DDX10: variants seen among roughly 807,000 people sequenced by gnomAD.
DDX10 encodes probable ATP-dependent RNA helicase DDX10.
A neutral mutation model predicts 104.3 loss-of-function variants in DDX10; 74 were observed. That is an observed-to-expected ratio of 0.71 (90% confidence interval 0.59 to 0.86). DDX10 has a LOEUF of 0.86. Among genes scored for constraint, DDX10 ranks in the 40% least tolerant of loss-of-function variants. The pLI, the probability that DDX10 is intolerant of heterozygous loss-of-function variation, is 0.00. For synonymous variants in DDX10, 351 were observed against 353.4 expected (o/e 0.99, Z 0.08); for missense variants, 952 against 1,040.0 (o/e 0.92, Z 1.16).
intron 1 of DDX10, among the ~76,000 whole-genome samples, chr11:108,666,807 A>G (rs2094210763): frequency 6.6e-6 from 1 of 152,178 alleles, no homozygotes; most frequent in Admixed American, 6.5e-5. Flanking sequence ...AAGATCTTTA[A>G]TTTAATCACA....
chr11:108,788,400 C>T (rs1015327854), intron 13 of DDX10, among the ~76,000 whole-genome samples: 8 of 151,742 alleles, frequency 5.3e-5, no homozygotes, highest in African/African-American at 1.5e-4. Flanking sequence ...TTTGCTCTTG[C>T]TCCCTAGGCT....
chr11:108,871,360 C>T (rs566269939), intron 16 of DDX10, among the ~76,000 whole-genome samples: 1 of 152,324 alleles, frequency 6.6e-6, no homozygotes, highest in African/African-American at 2.4e-5. Context: ...GAAAGGGCAT[C>T]CTGCCCTCTG....
intron 8 of DDX10, among the ~76,000 whole-genome samples, chr11:108,693,097 C>G (rs960902565): frequency 6.6e-6 from 1 of 152,130 alleles, no homozygotes; most frequent in African/African-American, 2.4e-5. Context: ...CTCCCTGTGT[C>G]CACTCTTCAA....
chr11:108,859,039 C>T (rs1383836209), intron 16 of DDX10, among the ~76,000 whole-genome samples: 1 of 152,118 alleles, frequency 6.6e-6, no homozygotes, highest in Non-Finnish European at 1.5e-5. Context: ...CATTTGATGC[C>T]ATTGAACGTG....
At chr11:108,755,697 T>C (rs978048761) in intron 13 of DDX10, among the ~76,000 whole-genome samples, 2 of 152,020 alleles carry the variant, frequency 1.3e-5, no homozygotes, top group Non-Finnish European at 1.5e-5. Flanking sequence ...TGAGACAATA[T>C]AGTGAAATGG....
At chr11:108,700,467 C>G (rs1444014458) in intron 9 of DDX10, among the ~76,000 whole-genome samples, 1 of 152,210 alleles carries the variant, frequency 6.6e-6, no homozygotes, top group East Asian at 1.9e-4. Context: ...TGGATTACAT[C>G]TAATAGCGCA....
chr11:108,694,380 T>C (rs1409381946), intron 9 of DDX10, among the ~76,000 whole-genome samples: 1 of 152,210 alleles, frequency 6.6e-6, no homozygotes, highest in African/African-American at 2.4e-5. Flanking sequence ...TTATCTAGTC[T>C]AGATCTTGTG....
rs34651677 is a variant in DDX10 at position 108,915,949 on chromosome 11, TAA to T, written c.2305-1905_2305-1904del. 5.1e-3 allele frequency among the ~76,000 whole-genome samples: 652 copies of T among 127,704 alleles called. 2 individuals are homozygous for T. The highest frequency in any genetic ancestry group is 7.9e-3 in the Middle Eastern group (2 of 252). 83.8% of individuals were successfully genotyped at this position (127,704 alleles called of 152,430 possible). On this transcript the variant is annotated intron_variant, in intron 16 of 17. Transcript: ENST00000322536. ...GACATTAAAGAGACTTGCAAAAATG[TAA>T]AAAAAAAAAAAAAAAAAAGTTCTTT...
intron 16 of DDX10, among the ~76,000 whole-genome samples, chr11:108,903,339 C>T (rs1047334953): frequency 3.9e-5 from 6 of 152,116 alleles, no homozygotes; most frequent in Non-Finnish European, 8.8e-5. Context: ...GGGCTTCTTT[C>T]ACCTAACATA....
chr11:108,768,763 A>G (rs893232799), intron 13 of DDX10, among the ~76,000 whole-genome samples: 5 of 151,958 alleles, frequency 3.3e-5, no homozygotes, highest in African/African-American at 1.2e-4. Flanking sequence ...AGTACTTCCA[A>G]CATTAGTTGT....
In DDX10 at chr11:108,815,417, T is replaced by C. The variant is rs553048438; in HGVS notation, c.1966-23029T>C. On this transcript the variant is annotated intron_variant, in intron 13 of 17. Coordinates refer to ENST00000322536, the MANE Select transcript of DDX10 (RefSeq NM_004398.4). The stretch of plus-strand genomic sequence containing the variant: ...CACTCAAGTTCTGCAGTCCAGTCAG[T>C]GCTGAGAAACTGATGTAAGTGAAAG... Among the ~76,000 whole-genome samples the C allele has an allele frequency of 3.9e-5, 6 of 152,274 alleles. No homozygotes were observed. The East Asian group carries it at 1.2e-3, about 29-fold the overall frequency.
intron 1 of DDX10, among the ~76,000 whole-genome samples, chr11:108,668,951 C>T (rs1203451600): frequency 6.6e-6 from 1 of 152,154 alleles, no homozygotes; most frequent in Non-Finnish European, 1.5e-5. Context: ...GTATGCTTCC[C>T]TTCCTCCTGG....
intron 13 of DDX10, among the ~76,000 whole-genome samples, chr11:108,780,145 G>C (rs1317615996): frequency 6.6e-6 from 1 of 152,140 alleles, no homozygotes; most frequent in Non-Finnish European, 1.5e-5. Context: ...CATAGCTATC[G>C]ATGTGTTTTG....
In DDX10 at chr11:108,746,452, A is replaced by G. The variant is rs1452007982; in HGVS notation, c.1965+22990A>G. On this transcript the variant is annotated intron_variant, in intron 13 of 17. Transcript: ENST00000322536. Reference sequence around the variant, plus strand: ...TGTTTATCCATTCATCAGTTAATGGACATTTGGATTGTTTCCATCTTTTTG... The same window carrying G: ...TGTTTATCCATTCATCAGTTAATGGGCATTTGGATTGTTTCCATCTTTTTG... Among the ~76,000 whole-genome samples, 6 of 152,168 alleles carry G rather than the reference A, an allele frequency of 3.9e-5. No individual in the cohort carries two copies. In the East Asian group the frequency reaches 1.2e-3, roughly 29 times the overall value.
chr11:108,934,135 G>A (rs367661346), intron 17 of DDX10, among the ~76,000 whole-genome samples: 17 of 152,326 alleles, frequency 1.1e-4, no homozygotes, highest in East Asian at 3.9e-4. Context: ...AGGCTTCCCG[G>A]AGCTGGATCA....
intron 1 of DDX10, among the ~76,000 whole-genome samples, chr11:108,669,210 C>T (rs936048586): frequency 1.4e-4 from 21 of 152,128 alleles, no homozygotes; most frequent in Admixed American, 2.6e-4. Context: ...CCACCCAACT[C>T]AGCCTCCTGA....
At chr11:108,832,125 C>A (rs886124323) in intron 13 of DDX10, among the ~76,000 whole-genome samples, 2 of 151,928 alleles carry the variant, frequency 1.3e-5, no homozygotes, top group African/African-American at 4.8e-5. Flanking sequence ...TAACTCCTAT[C>A]TAATAATAGA....
intron 6 of DDX10, among the ~76,000 whole-genome samples, chr11:108,685,949 A>G (rs1196852321): frequency 6.6e-6 from 1 of 152,194 alleles, no homozygotes; most frequent in East Asian, 1.9e-4. Context: ...CTTCAAAGGC[A>G]TTTCCTTTGA....
chr11:108,892,331 C>A (rs1863387711), intron 16 of DDX10, among the ~76,000 whole-genome samples: 1 of 152,122 alleles, frequency 6.6e-6, no homozygotes, highest in African/African-American at 2.4e-5. Context: ...AAGCTTGATC[C>A]CCTTCCCCTC....
Sources: gnomAD v4.1 joint callset for allele counts (sites outside exome capture counted in the v4.1 genomes callset) on GRCh38, gnomAD v4.1.1 for gene constraint, MANE v1.5 for transcripts, NCBI Gene and HGNC (gene_info 2026-07-23, HGNC 2026-07-21) for gene names.